Variants in APBA1 observed in about 807,000 individuals in gnomAD.
APBA1 encodes amyloid-beta A4 precursor protein-binding family A member 1.
Under a neutral mutation model 86.6 loss-of-function variants are expected in APBA1, and 55 were observed. The ratio of observed to expected loss-of-function variants is 0.64; its 90% CI spans 0.51 to 0.80. APBA1 has a LOEUF of 0.80. Among genes scored for constraint, APBA1 ranks in the 30% least tolerant of loss-of-function variants. The pLI is 0.00. For missense variants in APBA1, 1,090 were observed against 1,183.0 expected, an observed-to-expected ratio of 0.92 and a Z score of 1.15; for synonymous variants, 511 against 493.9, an observed-to-expected ratio of 1.03 and a Z score of -0.46.
intron 11 of APBA1, among the ~76,000 whole-genome samples, chr9:69,434,580 G>A (rs1201231847): frequency 2.0e-5 from 3 of 151,950 alleles, no homozygotes; most frequent in African/African-American, 7.2e-5. Context: ...GGTGGCACGT[G>A]CCTGTAGTCC....
chr9:69,484,269 A>C (rs1244521963), intron 2 of APBA1, among the ~76,000 whole-genome samples: 1 of 152,138 alleles, frequency 6.6e-6, no homozygotes, highest in Non-Finnish European at 1.5e-5. Flanking sequence ...ATGTAAGAAG[A>C]CAGGTTATAC....
chr9:69,567,458 T>C (rs1330264282), intron 1 of APBA1, among the ~76,000 whole-genome samples: 1 of 152,160 alleles, frequency 6.6e-6, no homozygotes, highest in Non-Finnish European at 1.5e-5. Flanking sequence ...AGTTCTAGGG[T>C]ACATGTCCAC....
chr9:69,461,562 C>T (rs1835192181), intron 5 of APBA1: 1 of 152,150 alleles, frequency 6.6e-6, no homozygotes, highest in African/African-American at 2.4e-5. Flanking sequence ...GATGGTAAGC[C>T]ATGATCAATC....
At chr9:69,440,221 T>C (rs936042285) in intron 11 of APBA1, among the ~76,000 whole-genome samples, 6 of 152,204 alleles carry the variant, frequency 3.9e-5, no homozygotes, top group Non-Finnish European at 8.8e-5. Context: ...GTTAGGCTAC[T>C]CAGGGGTCAG....
chr9:69,615,829 A>G lies in APBA1; in HGVS notation c.-70+56324T>C, dbSNP rs189238106. ...TGTTCCTGAAGTCCTATAAGCTGAA[A>G]CTAAATAAATTTTAAGGGACAAATC... On this transcript the variant is annotated intron_variant, in intron 1 of 12. Transcript: ENST00000265381. Among the ~76,000 whole-genome samples the G allele has an allele frequency of 5.9e-5, 9 of 152,332 alleles. No homozygotes were observed. The East Asian group carries it at 1.5e-3, about 26-fold the overall frequency.
chr9:69,456,011 A>G (rs970761545), intron 8 of APBA1, among the ~76,000 whole-genome samples: 1 of 152,022 alleles, frequency 6.6e-6, no homozygotes, highest in African/African-American at 2.4e-5. Context: ...AGCACTCCCC[A>G]CTACCCAATT....
chr9:69,582,101 C>T (rs1379948155), intron 1 of APBA1, among the ~76,000 whole-genome samples: 1 of 152,184 alleles, frequency 6.6e-6, no homozygotes, highest in Non-Finnish European at 1.5e-5. Context: ...AATTTATTTA[C>T]ACAATTTACA....
At chr9:69,586,660 C>T (rs961686900) in intron 1 of APBA1, among the ~76,000 whole-genome samples, 2 of 152,164 alleles carry the variant, frequency 1.3e-5, no homozygotes, top group Non-Finnish European at 2.9e-5. Context: ...CCCTTGTTTT[C>T]CTGGACTAGG....
At chr9:69,641,705 G>A (rs755866238) in intron 1 of APBA1, among the ~76,000 whole-genome samples, 10 of 152,090 alleles carry the variant, frequency 6.6e-5, no homozygotes, top group Non-Finnish European at 1.3e-4. Flanking sequence ...AAAATCAATC[G>A]TTCTCTCTCA....
At chr9:69,581,343 C>T (rs1191926794) in intron 1 of APBA1, among the ~76,000 whole-genome samples, 4 of 152,064 alleles carry the variant, frequency 2.6e-5, no homozygotes, top group African/African-American at 4.8e-5. Flanking sequence ...TTGACATTTA[C>T]CTTAGTGTAT....
Position 69,431,374 on chromosome 9 carries a change from C to T in APBA1, c.2467G>A (p.Ala823Thr), listed in dbSNP as rs751311091. 27 of 1,612,932 alleles carry T rather than the reference C, an allele frequency of 1.7e-5. No individual in the cohort carries two copies. Among genetic ancestry groups the T allele is most frequent in the Admixed American group, 3.3e-5 (2 of 59,840 alleles). ...GEIHMKTMPA[A>T]MYRLLTAQEQ... ...TGGGCCGTCAGCAGCCTGTACATCG[C>T]GGCTGGCATTGTCTTCATATGAATC... The change falls in exon 13 of 13, where the codon GCG becomes ACG. Residue 823 changes from alanine (A) to threonine (T), a missense_variant. This residue lies in a region of APBA1 where 17 missense variants were observed against 30.3 expected (regional missense o/e 0.56). Coordinates refer to ENST00000265381, the MANE Select transcript of APBA1 (RefSeq NM_001163.4).
chr9:69,566,131 C>T (rs1837023137), intron 1 of APBA1, among the ~76,000 whole-genome samples: 1 of 152,266 alleles, frequency 6.6e-6, no homozygotes, highest in African/African-American at 2.4e-5. Context: ...GAAATCCTTT[C>T]CTCAAAGATC....
chr9:69,596,596 T>C (rs1822235034), intron 1 of APBA1, among the ~76,000 whole-genome samples: 1 of 152,200 alleles, frequency 6.6e-6, no homozygotes, highest in Admixed American at 6.5e-5. Flanking sequence ...GAGCATGTTA[T>C]TAATAGAAAG....
chr9:69,440,911 A>G (rs1834808800), intron 11 of APBA1, 85 bp downstream of exon 11: 1 of 1,512,720 alleles, frequency 6.6e-7, no homozygotes, highest in Non-Finnish European at 9.0e-7. Flanking sequence ...GTTCCTATTT[A>G]GCCATCTTGG....
intron 1 of APBA1, among the ~76,000 whole-genome samples, chr9:69,661,412 T>C (rs1823750263): frequency 6.6e-6 from 1 of 152,216 alleles, no homozygotes; most frequent in African/African-American, 2.4e-5. Context: ...CAGGAAGAGA[T>C]GGGAAGGGCA....
chr9:69,512,841 T>C (rs963966829), intron 2 of APBA1, among the ~76,000 whole-genome samples: 1 of 152,176 alleles, frequency 6.6e-6, no homozygotes, highest in African/African-American at 2.4e-5. Flanking sequence ...TTCTAATAAG[T>C]ACCACCCAGA....
intron 2 of APBA1, among the ~76,000 whole-genome samples, chr9:69,492,179 A>G (rs1022822986): frequency 2.0e-5 from 3 of 152,082 alleles, no homozygotes; most frequent in African/African-American, 7.2e-5. Flanking sequence ...GAGTCTGGCT[A>G]CCACTGATGG....
At chr9:69,658,944 C>A (rs967443463) in intron 1 of APBA1, among the ~76,000 whole-genome samples, 2 of 152,180 alleles carry the variant, frequency 1.3e-5, no homozygotes, top group African/African-American at 4.8e-5. Flanking sequence ...AGAGCTCCCC[C>A]ACCCCACACA....
Position 69,516,135 on chromosome 9 carries a change from T to A in APBA1, c.1076A>T (p.Glu359Val). The A allele has an allele frequency of 6.2e-7, 1 of 1,613,428 alleles. No homozygotes were observed. Among genetic ancestry groups the A allele is most frequent in the Non-Finnish European group, 8.5e-7 (1 of 1,179,694 alleles). Residue 359 changes from glutamate (E) to valine (V), a missense_variant, in exon 2 of 13, where the codon GAG (glutamate) becomes GTG (valine). This residue lies in a region of APBA1 where 678 missense variants were observed against 647.1 expected (regional missense o/e 1.05). Transcript: ENST00000265381. The surrounding 1 kb of genome is among the most constrained non-coding windows in gnomAD (Gnocchi z 7.3). ...CGAACGGATGGTCCTGGTTTTCACC[T>A]CCTCGATGGCCTCCTTGATGTCCTT... ...AIKDIKEAIE[E>V]VKTRTIRSPY...
Sources: gnomAD v4.1 joint callset for allele counts (sites outside exome capture counted in the v4.1 genomes callset) on GRCh38, gnomAD v4.1.1 for gene constraint, gnomAD v4.1.1 regional missense constraint, Gnocchi (gnomAD v3.1) non-coding constraint, MANE v1.5 for transcripts, NCBI Gene and HGNC (gene_info 2026-07-23, HGNC 2026-07-21) for gene names.